The following NSMCE1 variants were observed in gnomAD, a reference collection of about 807,000 sequenced individuals.
NSMCE1 encodes the protein non-structural maintenance of chromosomes element 1 homolog.
A neutral mutation model predicts 29.6 loss-of-function variants in NSMCE1; 18 were observed. That is an observed-to-expected ratio of 0.61 (90% CI 0.42 to 0.90). The LOEUF (loss-of-function observed/expected upper bound fraction) is 0.90. Among genes scored for constraint, NSMCE1 ranks in the 40% least tolerant of loss-of-function variants. NSMCE1 has a pLI of 0.00. For synonymous variants in NSMCE1, 124 were observed against 133.4 expected, an observed-to-expected ratio of 0.93 and a Z score of 0.49; for missense variants, 314 against 343.6, an observed-to-expected ratio of 0.91 and a Z score of 0.68.
chr16:27,264,206 A>G (rs1418054931), intron 1 of NSMCE1, among the ~76,000 whole-genome samples: 1 of 151,970 alleles, frequency 6.6e-6, no homozygotes, highest in Non-Finnish European at 1.5e-5. Flanking sequence ...TCTACTAAAA[A>G]CAAAAATTAA....
chr16:27,251,178 ATATATATATATAAATATATATATATAT>A (rs1567281193), intron 2 of NSMCE1, among the ~76,000 whole-genome samples: 8,956 of 72,994 alleles, frequency 0.12, 823 homozygotes, highest in African/African-American at 0.33. Context: ...ATATATATAT[ATATATATATATAAATATATATATATAT>A]ATAAAACTCT....
rs545978629 is a variant in NSMCE1 at position 27,245,910 on chromosome 16, T to C, written c.137-10611A>G. On this transcript the variant is annotated intron_variant, in intron 2 of 7. Coordinates refer to ENST00000361439, the MANE Select transcript of NSMCE1 (RefSeq NM_145080.4). ...TGTACTTGGAGCCAGCTTCTAATTATGACTGAGTCTTCCTTGGAAAGAGAA... is the reference window on the plus strand; with the variant it reads ...TGTACTTGGAGCCAGCTTCTAATTACGACTGAGTCTTCCTTGGAAAGAGAA... 5.3e-5 allele frequency among the ~76,000 whole-genome samples: 8 copies of C among 152,346 alleles called. No homozygotes were observed. The South Asian group carries it at 1.7e-3, about 32-fold the overall frequency.
intron 5 of NSMCE1, among the ~76,000 whole-genome samples, chr16:27,227,484 G>T (rs1206665354): frequency 6.6e-6 from 1 of 152,166 alleles, no homozygotes; most frequent in Non-Finnish European, 1.5e-5. Context: ...GAAATCCCTG[G>T]GAGAGCCCGG....
At chr16:27,264,066 A>G (rs2084192386) in intron 1 of NSMCE1, among the ~76,000 whole-genome samples, 1 of 152,210 alleles carries the variant, frequency 6.6e-6, no homozygotes, top group Admixed American at 6.5e-5. Context: ...TACCAGCTAT[A>G]AAGACTTCTC....
intron 5 of NSMCE1, among the ~76,000 whole-genome samples, chr16:27,231,125 G>T (rs571830827): frequency 5.2e-5 from 8 of 152,390 alleles, no homozygotes; most frequent in South Asian, 2.1e-4. Context: ...GGTGACTTCA[G>T]TGGGTTTCTT....
At chr16:27,250,495 A>T (rs1161606340) in intron 2 of NSMCE1, among the ~76,000 whole-genome samples, 9 of 145,112 alleles carry the variant, frequency 6.2e-5, no homozygotes, top group Admixed American at 1.4e-4. Flanking sequence ...TTTTTTTTTT[A>T]AACTCTGTGT....
At chr16:27,260,235 T>G (rs1056197084) in intron 1 of NSMCE1, among the ~76,000 whole-genome samples, 5 of 152,056 alleles carry the variant, frequency 3.3e-5, no homozygotes, top group Non-Finnish European at 7.4e-5. Flanking sequence ...ACAAAAATAA[T>G]AACATAAATG....
At chr16:27,237,407 G>C (rs925864807) in intron 2 of NSMCE1, among the ~76,000 whole-genome samples, 4 of 152,204 alleles carry the variant, frequency 2.6e-5, no homozygotes, top group African/African-American at 9.7e-5. Flanking sequence ...CCCCGGTGCT[G>C]TCTTCCTCTT....
chr16:27,237,206 T>C (rs2083835387), intron 2 of NSMCE1, among the ~76,000 whole-genome samples: 1 of 152,222 alleles, frequency 6.6e-6, no homozygotes, highest in African/African-American at 2.4e-5. Context: ...AACATGGATG[T>C]GGTGAGATCG....
chr16:27,248,688 T>A (rs908960115), intron 2 of NSMCE1, among the ~76,000 whole-genome samples: 3 of 152,240 alleles, frequency 2.0e-5, no homozygotes, highest in African/African-American at 4.8e-5. Flanking sequence ...GGATTACAGG[T>A]GTGAGCCACC....
chr16:27,234,324 C>T (rs1168796231), intron 3 of NSMCE1, 59 bp from the exon 4 acceptor site: 31 of 1,155,888 alleles, frequency 2.7e-5, no homozygotes, highest in Non-Finnish European at 2.9e-5. Flanking sequence ...GTTAACGTGT[C>T]GCTGGCTCTC....
intron 6 of NSMCE1, 200 bp downstream of exon 6, chr16:27,226,520 G>A (rs933129854): frequency 1.9e-6 from 1 of 538,402 alleles, no homozygotes; most frequent in Non-Finnish European, 3.3e-6. Context: ...CAGGGAGGAG[G>A]GCGGCAGTGC....
chr16:27,253,447 C>A (rs2084054798), intron 2 of NSMCE1, among the ~76,000 whole-genome samples: 1 of 152,200 alleles, frequency 6.6e-6, no homozygotes, highest in Admixed American at 6.5e-5. Context: ...ACCCTCATTG[C>A]CCATCTCTCG....
chr16:27,234,949 C>T (rs1004286760), intron 3 of NSMCE1, among the ~76,000 whole-genome samples: 5 of 152,274 alleles, frequency 3.3e-5, no homozygotes, highest in African/African-American at 1.2e-4. Context: ...GCCCCACCCA[C>T]ATGGCCTGCA....
At chr16:27,265,464 G>A (rs1337846999) in intron 1 of NSMCE1, among the ~76,000 whole-genome samples, 1 of 152,002 alleles carries the variant, frequency 6.6e-6, no homozygotes, top group Non-Finnish European at 1.5e-5. Flanking sequence ...CACCACTCCA[G>A]GCTGAGTATA....
chr16:27,258,486 G>A (rs1303858429), intron 1 of NSMCE1, among the ~76,000 whole-genome samples: 2 of 152,206 alleles, frequency 1.3e-5, no homozygotes, highest in East Asian at 3.8e-4. Flanking sequence ...GGAATTCTGA[G>A]GTGTTTACAT....
chr16:27,257,659 TAACA>T, intron 1 of NSMCE1, 78 bp from the exon 2 acceptor site: 6 of 1,175,718 alleles, frequency 5.1e-6, no homozygotes, highest in Non-Finnish European at 7.1e-6. Context: ...TAATTTACAT[TAACA>T]AATATAAATT....
chr16:27,241,907 G>A (rs1430817558), intron 2 of NSMCE1: 2 of 447,304 alleles, frequency 4.5e-6, no homozygotes, highest in African/African-American at 2.0e-5. Context: ...GGGACAGGAA[G>A]CGACAAAGTC....
At chr16:27,251,189 T>TATATATATATATAAAA (rs1459861130) in intron 2 of NSMCE1, among the ~76,000 whole-genome samples, 2 of 58,834 alleles carry the variant, frequency 3.4e-5, no homozygotes, top group African/African-American at 1.0e-4. Context: ...TATATATATA[T>TATATATATATATAAAA]AAATATATAT....
Sources: allele counts gnomAD v4.1 joint callset (sites outside exome capture counted in the v4.1 genomes callset), GRCh38; gene constraint gnomAD v4.1.1; transcripts MANE v1.5; gene names NCBI Gene and HGNC (gene_info 2026-07-23, HGNC 2026-07-21).